The following ACE variants were observed in gnomAD, a reference collection of about 807,000 sequenced individuals.
The protein encoded by ACE is angiotensin I converting enzyme.
Under a neutral mutation model 162.3 loss-of-function variants are expected in ACE, and 122 were observed. The observed-to-expected ratio is 0.75, with a 90% confidence interval of 0.65 to 0.87. The LOEUF (loss-of-function observed/expected upper bound fraction) is 0.87, where lower values mean the gene tolerates loss of function less well. ACE is among the 40% of genes least tolerant of loss of function. ACE has a pLI of 0.00. For synonymous variants in ACE, 796 were observed against 720.6 expected, an observed-to-expected ratio of 1.10 and a Z score of -1.68; for missense variants, 1,799 against 1,735.1, an observed-to-expected ratio of 1.04 and a Z score of -0.65.
At position 63,481,566 on chromosome 17, in the gene ACE, G is replaced by T. The variant is rs561813163; in HGVS notation, c.946G>T (p.Gly316Cys). 1.2e-6 allele frequency: 2 copies of T among 1,613,792 alleles called. No individual in the cohort carries two copies. The highest frequency in any genetic ancestry group is 1.1e-5 in the South Asian group (1 of 91,074). ...ACCTGGCTCCACACCCCTCCTCCAG[G>T]GCTGGAACGCCACGCACATGTTCCG... is the stretch of plus-strand genomic sequence containing the variant. ...LDVTSTMLQQ[G>C]WNATHMFRVA... Residue 316 changes from glycine (G) to cysteine (C), a missense_variant and splice_region_variant, in exon 7 of 25, where the codon GGC becomes TGC. Physicochemically the swap from Gly to Cys is radical, Grantham distance 159. Transcript: ENST00000290866.
Position 63,480,523 on chromosome 17 carries a change from T to A in ACE, c.842T>A (p.Leu281Gln), listed in dbSNP as rs778759109. 1.2e-6 allele frequency: 2 copies of A among 1,613,780 alleles called. No homozygotes were observed. The highest frequency in any genetic ancestry group is 1.7e-6 in the Non-Finnish European group (2 of 1,180,016). ...INLRGPIPAH[L>Q]LGDMWAQSWE... ...CTCAGGGGACCCATCCCTGCTCATC[T>A]GCTGGGTAAGGACCTGGCCTCGCCT... The change falls in exon 5 of 25, where the codon CTG (leucine) becomes CAG (glutamine). Residue 281 changes from leucine (L) to glutamine (Q), a missense_variant. Transcript: ENST00000290866.
chr17:63,489,884 G>A (rs1340334718), intron 17 of ACE: 1 of 152,936 alleles, frequency 6.5e-6, no homozygotes, highest in Non-Finnish European at 1.5e-5. Flanking sequence ...CCCCTCTCTG[G>A]TGAGACCAAA....
At chr17:63,478,661 C>CGTAT in intron 2 of ACE, 1 of 387,702 alleles carries the variant, frequency 2.6e-6, no homozygotes, top group Non-Finnish European at 4.9e-6. Context: ...AGACCTCCCC[C>CGTAT]CAAAAAAAAG....
At chr17:63,489,855 G>T (rs961046743) in intron 17 of ACE, 6 of 154,296 alleles carry the variant, frequency 3.9e-5, no homozygotes, top group Non-Finnish European at 7.2e-5. Context: ...ACACAGGCTG[G>T]GAGTCCAGCC....
At position 63,497,709 on chromosome 17, in the gene ACE, T is replaced by G. The variant is rs1029393741; in HGVS notation, c.*343T>G. On this transcript the variant is annotated 3_prime_UTR_variant, in exon 25 of 25. Transcript: ENST00000290866. ...CAGTCAAGTGGGTCCCGTTACTAGG[T>G]TTGTTCCTCCATCCTCCTTCAGGAG... 57 of 506,488 alleles carry G rather than the reference T, an allele frequency of 1.1e-4. No individual in the cohort carries two copies. Among genetic ancestry groups the G allele is most frequent in the Non-Finnish European group, 1.9e-4 (52 of 270,318 alleles). The allele number at this position is 506,488 out of a possible 1,614,324, so 31.4% of individuals were successfully genotyped here. A position where few individuals can be genotyped will look rare whatever the true frequency, so the allele number is the denominator to read the frequency against.
chr17:63,496,533 C>T lies in ACE; in HGVS notation c.3503+17C>T. ...GCGCCTGGCGTGAGTGTCCTCCAGCCCTCCTTTGTTTCCATGCTCTGGCCT... is the reference window on the plus strand; with the variant it reads ...GCGCCTGGCGTGAGTGTCCTCCAGCTCTCCTTTGTTTCCATGCTCTGGCCT... On this transcript the variant is annotated intron_variant, in intron 23 of 24. Coordinates refer to ENST00000290866, the MANE Select transcript of ACE (RefSeq NM_000789.4). 6.2e-7 allele frequency: 1 copy of T among 1,613,910 alleles called. No homozygotes were observed. Among genetic ancestry groups the T allele is most frequent in the Non-Finnish European group, 8.5e-7 (1 of 1,180,048 alleles).
rs772630581 is a variant in ACE at position 63,477,181 on chromosome 17, G to A, written c.87G>A (p.Ala29=). Residue 29 remains alanine, a synonymous_variant, in exon 1 of 25, where the codon GCG becomes GCA. Transcript: ENST00000290866. ...LLLLPPQPAL[A]LDPGLQPGNF... is the part of the protein sequence containing the mutation. The stretch of plus-strand genomic sequence containing the variant: ...TGCTGCCGCCGCAGCCCGCCCTGGC[G>A]TTGGACCCCGGGCTGCAGCCCGGCA... 1.3e-5 allele frequency: 19 copies of A among 1,469,728 alleles called. 1 individual carries two copies. In the South Asian group the frequency reaches 1.8e-4, roughly 14 times the overall value. 91.0% of individuals were successfully genotyped at this position (1,469,728 alleles called of 1,614,324 possible).
chr17:63,479,704 G>A, intron 3 of ACE, 65 bp from the exon 4 acceptor site: 2 of 1,601,384 alleles, frequency 1.2e-6, no homozygotes, highest in Non-Finnish European at 1.7e-6. Flanking sequence ...TGCAGGCTCT[G>A]GTGAAGGCCG....
intron 13 of ACE, chr17:63,485,622 A>C (rs1435755883): frequency 1.3e-5 from 6 of 466,860 alleles, no homozygotes; most frequent in Non-Finnish European, 2.0e-5. Flanking sequence ...GTAAAAATAC[A>C]AAAATTAGCC....
chr17:63,491,301 G>C lies in ACE; in HGVS notation c.2832G>C (p.Ser944=), dbSNP rs866899407. ...LPVPPEFWNK[S]MLEKPTDGRE... ...TGCCTCCTGAGTTCTGGAACAAGTC[G>C]ATGCTGGAGAAGCCAACCGACGGGC... The change falls in exon 19 of 25, where the codon TCG becomes TCC. Residue 944 remains serine, a synonymous_variant. Transcript: ENST00000290866. The surrounding 1 kb of genome is among the most constrained non-coding windows in gnomAD (Gnocchi z 4.4). The C allele has an allele frequency of 1.2e-6, 2 of 1,614,174 alleles. No homozygotes were observed. Among genetic ancestry groups the C allele is most frequent in the Middle Eastern group, 1.6e-4 (1 of 6,062 alleles).
chr17:63,483,564 A>AGCGCGGGGGGGG lies in ACE; in HGVS notation c.1586+10_1586+11insGGGGGGGGGCGC. ...AATGTGACACCATACATCAGGTATT[A>AGCGCGGGGGGGG]GCGCCCCCACCCCACCCACCCCCAG... On this transcript the variant is annotated splice_region_variant and intron_variant, in intron 10 of 24. Transcript: ENST00000290866. 6.2e-7 allele frequency: 1 copy of AGCGCGGGGGGGG among 1,607,080 alleles called. No individual in the cohort carries two copies. The highest frequency in any genetic ancestry group is 8.5e-7 in the Non-Finnish European group (1 of 1,175,086).
At chr17:63,488,360 G>GA (rs561946751) in intron 15 of ACE, among the ~76,000 whole-genome samples, 2,942 of 98,364 alleles carry the variant, frequency 0.03, 123 homozygotes, top group African/African-American at 0.1. Flanking sequence ...CCCTGTCTCA[G>GA]AAAAAAAAAA....
chr17:63,481,190 T>G lies in ACE; in HGVS notation c.945+2T>G. 7.5e-7 allele frequency: 1 copy of G among 1,333,492 alleles called. No homozygotes were observed. The highest frequency in any genetic ancestry group is 1.6e-5 in the African/African-American group (1 of 63,800). 82.6% of individuals were successfully genotyped at this position (1,333,492 alleles called of 1,614,324 possible). On this transcript the variant is annotated splice_donor_variant, in intron 6 of 24. Coordinates refer to ENST00000290866, the MANE Select transcript of ACE (RefSeq NM_000789.4). LOFTEE classifies it high-confidence loss of function. ...GTCACCAGTACTATGCTGCAGCAGG[T>G]AAGCTCTGGGCTCAAGCCTGGGGTG... is the stretch of plus-strand genomic sequence containing the variant.
Position 63,483,567 on chromosome 17 carries a change from G to GCCCA in ACE, c.1586+12_1586+13insACCC. ...GTGACACCATACATCAGGTATTAGC[G>GCCCA]CCCCCACCCCACCCACCCCCAGTAC... On this transcript the variant is annotated intron_variant, in intron 10 of 24. Transcript: ENST00000290866. The GCCCA allele has an allele frequency of 1.3e-6, 2 of 1,589,578 alleles. No individual in the cohort carries two copies. Among genetic ancestry groups the GCCCA allele is most frequent in the Non-Finnish European group, 1.7e-6 (2 of 1,165,686 alleles).
chr17:63,483,681 C>T, intron 10 of ACE, 123 bp downstream of exon 10: 1 of 1,412,396 alleles, frequency 7.1e-7, no homozygotes, highest in East Asian at 2.3e-5. Flanking sequence ...CCTCAAAGGC[C>T]TGGAGTTAGA....
Position 63,496,822 on chromosome 17 carries a change from T to A in ACE, c.3528T>A (p.Ser1176Arg). 1 of 1,612,970 alleles carries A rather than the reference T, an allele frequency of 6.2e-7. No homozygotes were observed. Among genetic ancestry groups the A allele is most frequent in the South Asian group, 1.1e-5 (1 of 91,088 alleles). ...RLATAMKLGF[S>R]RPWPEAMQLI... ...GGACCGCCATGAAGCTGGGCTTCAG[T>A]AGGCCGTGGCCGGAAGCCATGCAGC... The change falls in exon 24 of 25, where the codon AGT becomes AGA. Residue 1176 changes from serine to arginine, a missense_variant. Coordinates refer to ENST00000290866, the MANE Select transcript of ACE (RefSeq NM_000789.4).
chr17:63,497,282 G>A lies in ACE; in HGVS notation c.3837G>A (p.Arg1279=). 1 of 1,557,412 alleles carries A rather than the reference G, an allele frequency of 6.4e-7. No homozygotes were observed. Among genetic ancestry groups the A allele is most frequent in the Non-Finnish European group, 8.7e-7 (1 of 1,152,946 alleles). The change falls in exon 25 of 25, where the codon CGG becomes CGA. Residue 1279 remains arginine (R), a synonymous_variant. Transcript: ENST00000290866. ...TAGCCACCCTGGGCCTCAGCCAGCG[G>A]CTCTTCAGCATCCGCCACCGCAGCC... ...LLVATLGLSQ[R]LFSIRHRSLH...
Position 63,483,567 on chromosome 17 carries a change from G to GCGGGCCCCCCCCCCCCCCCCCC in ACE, c.1586+10_1586+11insGGGCCCCCCCCCCCCCCCCCCC. ...GTGACACCATACATCAGGTATTAGC[G>GCGGGCCCCCCCCCCCCCCCCCC]CCCCCACCCCACCCACCCCCAGTAC... On this transcript the variant is annotated intron_variant, in intron 10 of 24. Transcript: ENST00000290866. 6.3e-7 allele frequency: 1 copy of GCGGGCCCCCCCCCCCCCCCCCC among 1,589,572 alleles called. No homozygotes were observed. The highest frequency in any genetic ancestry group is 8.6e-7 in the Non-Finnish European group (1 of 1,165,682).
At chr17:63,477,403 G>A (rs1033534767) in intron 1 of ACE, 60 bp downstream of exon 1, 2 of 1,172,788 alleles carry the variant, frequency 1.7e-6, no homozygotes, top group Non-Finnish European at 2.1e-6. Context: ...CACAGCACGC[G>A]GCCGGCTTGT....
Sources: gnomAD v4.1 joint callset for allele counts (sites outside exome capture counted in the v4.1 genomes callset) on GRCh38, gnomAD v4.1.1 for gene constraint, Gnocchi (gnomAD v3.1) non-coding constraint, MANE v1.5 for transcripts, NCBI Gene and HGNC (gene_info 2026-07-23, HGNC 2026-07-21) for gene names.